The following CEP112 variants were observed in gnomAD, a reference collection of about 807,000 sequenced individuals.
The protein encoded by CEP112 is centrosomal protein of 112 kDa.
A neutral mutation model predicts 153.0 loss-of-function variants in CEP112; 127 were observed. That is an observed-to-expected ratio of 0.83 (90% CI 0.72 to 0.96). The LOEUF is 0.96. Ranked by LOEUF, CEP112 falls within the 40% of genes least tolerant of loss-of-function variation. The pLI, the probability that CEP112 is intolerant of heterozygous loss-of-function variation, is 0.00. For missense variants in CEP112, 1,089 were observed against 1,101.2 expected (o/e 0.99, Z 0.16); for synonymous variants, 358 against 374.4 (o/e 0.96, Z 0.51).
intron 4 of CEP112, among the ~76,000 whole-genome samples, chr17:66,141,026 TTC>T (rs1344841406): frequency 6.6e-6 from 1 of 152,138 alleles, no homozygotes; most frequent in Non-Finnish European, 1.5e-5. Flanking sequence ...CTTCTCCAGT[TTC>T]TGTTTGTTTC....
chr17:65,931,173 G>A (rs2061109601), intron 18 of CEP112, among the ~76,000 whole-genome samples: 1 of 152,114 alleles, frequency 6.6e-6, no homozygotes. Context: ...ATGAGGAGGA[G>A]GGACATCAGC....
chr17:66,176,732 CAT>C, intron 3 of CEP112, 96 bp downstream of exon 3: 1 of 856,864 alleles, frequency 1.2e-6, no homozygotes, highest in Non-Finnish European at 1.8e-6. Flanking sequence ...TTATCTAGCA[CAT>C]ACAACCTAAT....
chr17:66,019,594 T>C lies in CEP112; in HGVS notation c.1656+7907A>G, dbSNP rs79310323. On this transcript the variant is annotated intron_variant, in intron 16 of 26. Coordinates refer to ENST00000535342, the MANE Select transcript of CEP112 (RefSeq NM_001199165.4). ...CAATGTAAATAATGTTAGGAACATATGCAATATGAACAATGATGGCTATTT... is the reference window on the plus strand; with the variant it reads ...CAATGTAAATAATGTTAGGAACATACGCAATATGAACAATGATGGCTATTT... 8.4e-3 allele frequency among the ~76,000 whole-genome samples: 1,277 copies of C among 152,358 alleles called. 19 individuals carry two copies. Among genetic ancestry groups the C allele is most frequent in the African/African-American group, 0.029 (1,210 of 41,578 alleles).
chr17:66,146,887 A>G (rs1337198373), intron 4 of CEP112, among the ~76,000 whole-genome samples: 2 of 152,098 alleles, frequency 1.3e-5, no homozygotes, highest in Non-Finnish European at 2.9e-5. Flanking sequence ...AATGTACCAC[A>G]TTTTGCTAAT....
chr17:65,705,908 G>A (rs1056528080), intron 23 of CEP112, among the ~76,000 whole-genome samples: 3 of 152,122 alleles, frequency 2.0e-5, no homozygotes, highest in Non-Finnish European at 4.4e-5. Flanking sequence ...CTGTGTCTGT[G>A]TAAGACAATG....
chr17:65,923,192 C>T (rs532055552), intron 19 of CEP112, among the ~76,000 whole-genome samples: 4 of 152,086 alleles, frequency 2.6e-5, no homozygotes, highest in African/African-American at 4.8e-5. Context: ...TCCATTGCAC[C>T]GGCTTTTGCA....
chr17:66,097,757 T>TA (rs1427793445), intron 6 of CEP112, among the ~76,000 whole-genome samples: 5 of 152,318 alleles, frequency 3.3e-5, no homozygotes, highest in African/African-American at 1.2e-4. Context: ...GAATATACTA[T>TA]ATGATAAAGT....
intron 21 of CEP112, among the ~76,000 whole-genome samples, chr17:65,773,046 A>G (rs1432269036): frequency 6.6e-6 from 1 of 152,248 alleles, no homozygotes; most frequent in Non-Finnish European, 1.5e-5. Context: ...AGGCACTATT[A>G]TCCTCACTGA....
chr17:65,648,316 A>G (rs960920748), intron 24 of CEP112, among the ~76,000 whole-genome samples: 6 of 152,194 alleles, frequency 3.9e-5, no homozygotes, highest in Non-Finnish European at 7.3e-5. Flanking sequence ...CACTCAGGAC[A>G]TTGTGATAAT....
intron 20 of CEP112, among the ~76,000 whole-genome samples, chr17:65,858,226 G>A (rs1325716251): frequency 6.6e-6 from 1 of 152,100 alleles, no homozygotes; most frequent in Non-Finnish European, 1.5e-5. Context: ...AAATTGGTTT[G>A]AGAGTATTTT....
chr17:65,740,663 C>T (rs1053908932), intron 23 of CEP112, among the ~76,000 whole-genome samples: 2 of 152,088 alleles, frequency 1.3e-5, no homozygotes, highest in Non-Finnish European at 2.9e-5. Flanking sequence ...CATCATCAAC[C>T]CAGAAGTGGA....
chr17:65,689,408 T>C (rs903831511), intron 23 of CEP112, among the ~76,000 whole-genome samples, 190 bp from the exon 24 acceptor site: 2 of 146,162 alleles, frequency 1.4e-5, no homozygotes, highest in Non-Finnish European at 3.0e-5. Flanking sequence ...ATACCTAGTA[T>C]AAAAAATTCC....
At chr17:65,903,561 T>C (rs1469294163) in intron 19 of CEP112, among the ~76,000 whole-genome samples, 1 of 152,210 alleles carries the variant, frequency 6.6e-6, no homozygotes, top group African/African-American at 2.4e-5. Context: ...CCATTCCTTC[T>C]GAAACTATTC....
intron 20 of CEP112, among the ~76,000 whole-genome samples, chr17:65,862,100 A>G (rs1287424296): frequency 6.6e-6 from 1 of 152,254 alleles, no homozygotes; most frequent in Non-Finnish European, 1.5e-5. Flanking sequence ...TACAACATGC[A>G]ACCATTTTTA....
intron 21 of CEP112, among the ~76,000 whole-genome samples, chr17:65,843,958 A>G (rs1490765000): frequency 6.6e-6 from 1 of 152,210 alleles, no homozygotes; most frequent in South Asian, 2.1e-4. Context: ...AATGCCAAAG[A>G]TATTTGCCAC....
At chr17:65,826,430 G>C in intron 21 of CEP112, 2 of 1,560,976 alleles carry the variant, frequency 1.3e-6, no homozygotes, top group Non-Finnish European at 8.6e-7. Flanking sequence ...AGGTGACTTG[G>C]GCCCAGAGGG....
intron 19 of CEP112, among the ~76,000 whole-genome samples, chr17:65,920,326 G>A (rs982210367): frequency 7.6e-6 from 1 of 132,000 alleles, no homozygotes; most frequent in African/African-American, 2.9e-5. Flanking sequence ...CAGCCTGGGT[G>A]ACAGACCAGG....
intron 18 of CEP112, among the ~76,000 whole-genome samples, chr17:65,937,590 GC>G (rs2061374827): frequency 9.8e-6 from 1 of 101,598 alleles, no homozygotes; most frequent in Non-Finnish European, 2.0e-5. Flanking sequence ...CCCCCACCCG[GC>G]CAGCCGCCCC....
intron 23 of CEP112, among the ~76,000 whole-genome samples, chr17:65,698,791 G>T (rs577092485): frequency 6.6e-6 from 1 of 152,054 alleles, no homozygotes; most frequent in Non-Finnish European, 1.5e-5. Context: ...GAATTTCCTC[G>T]TCTGGCCAGG....
Sources: allele counts gnomAD v4.1 joint callset (sites outside exome capture counted in the v4.1 genomes callset), GRCh38; gene constraint gnomAD v4.1.1; transcripts MANE v1.5; gene names NCBI Gene and HGNC (gene_info 2026-07-23, HGNC 2026-07-21).